Variants in KCNK16 observed in about 807,000 individuals in gnomAD.
The protein encoded by KCNK16 is potassium two pore domain channel subfamily K member 16.
Under a neutral mutation model 23.0 loss-of-function variants are expected in KCNK16, and 23 were observed. That is an observed-to-expected ratio of 1.00 (90% CI 0.72 to 1.41). The LOEUF (loss-of-function observed/expected upper bound fraction) is 1.41. Ranked by LOEUF, KCNK16 falls within the 40% of genes most tolerant of loss-of-function variation. The pLI is 0.00. For synonymous variants in KCNK16, 145 were observed against 153.5 expected (o/e 0.94, Z 0.41); for missense variants, 327 against 365.8 (o/e 0.89, Z 0.87).
chr6:39,322,453 T>C lies in KCNK16; in HGVS notation c.88A>G (p.Thr30Ala). The change falls in exon 1 of 5, where the codon ACT becomes GCT. Residue 30 changes from threonine (T) to alanine (A), a missense_variant. By Grantham distance (58) the Thr-to-Ala change is moderately conservative. Coordinates refer to ENST00000437525, the MANE Select transcript of KCNK16 (RefSeq NM_001135106.2). ...AYVCYLLLGA[T>A]IFQLLERQAE... is the part of the protein sequence containing the mutation. ...TGCCTCTCTAGCAGCTGGAAGATAG[T>C]GGCACCGAGCAGCAGGTAGCAGACA... 1 of 1,614,092 alleles carries C rather than the reference T, an allele frequency of 6.2e-7. No individual in the cohort carries two copies.
At chr6:39,315,847 G>A (rs932372747), downstream of KCNK16, among the ~76,000 whole-genome samples, 1 of 152,138 alleles carries the variant, frequency 6.6e-6, no homozygotes, top group African/African-American at 2.4e-5. Flanking sequence ...TAGGGGCTTG[G>A]CAAATGCACT....
rs755557538 is a variant in KCNK16, at chr6:39,319,027, G to C, written c.320C>G (p.Thr107Ser). The C allele has an allele frequency of 1.2e-5, 19 of 1,612,098 alleles. No homozygotes were observed. The highest frequency in any genetic ancestry group is 1.5e-5 in the Non-Finnish European group (18 of 1,178,156). The change falls in exon 2 of 5, where the codon ACT becomes AGT. Residue 107 changes from threonine to serine, a missense_variant. Physicochemically the swap from Thr to Ser is moderately conservative, Grantham distance 58. Coordinates refer to ENST00000437525, the MANE Select transcript of KCNK16 (RefSeq NM_001135106.2). The surrounding 1 kb of genome is among the most constrained non-coding windows in gnomAD (Gnocchi z 4.2). ...CTACCCCAGCCCTTTACCTATGGTA[G>C]TGACGACTGTGCCTGCAAAGAAGAA... ...SSFFFAGTVVTTIGYGNLAPS... is the reference protein window; with the variant it reads ...SSFFFAGTVVSTIGYGNLAPS...
chr6:39,314,703 G>A, downstream of KCNK16: 1 of 448,272 alleles, frequency 2.2e-6, no homozygotes, highest in East Asian at 3.5e-5. Flanking sequence ...AGAGGTAGGA[G>A]ATAGTAGAGA....
rs1288433919 is a variant in KCNK16, at chr6:39,316,329, G to A, written c.775C>T (p.His259Tyr). 4 of 1,610,986 alleles carry A rather than the reference G, an allele frequency of 2.5e-6. No individual in the cohort carries two copies. The African/African-American group carries it at 5.3e-5, about 22-fold the overall frequency. ...LILPLGPLLL[H>Y]RCCQLWLLSR... ...AGCAGCCAGAGCTGGCAGCATCTGT[G>A]CAGAAGCAGGGGGCCCAGTGGGAGG... The change falls in exon 5 of 5, where the codon CAC (histidine) becomes TAC (tyrosine). Residue 259 changes from histidine to tyrosine, a missense_variant. His to Tyr is a moderately conservative substitution (Grantham distance 83). Coordinates refer to ENST00000437525, the MANE Select transcript of KCNK16 (RefSeq NM_001135106.2).
chr6:39,316,497 CA>C (rs1310104049), intron 4 of KCNK16, 55 bp from the exon 5 acceptor site: 2 of 1,531,276 alleles, frequency 1.3e-6, no homozygotes, highest in African/African-American at 2.8e-5. Context: ...TAGCCACCTC[CA>C]GTTTCCATAG....
chr6:39,315,550 G>T, downstream of KCNK16: 1 of 858,470 alleles, frequency 1.2e-6, no homozygotes, highest in Non-Finnish European at 1.8e-6. Flanking sequence ...GCTTTGAGAG[G>T]CAGCTCGCCT....
chr6:39,316,090 G>C, downstream of KCNK16: 1 of 1,330,982 alleles, frequency 7.5e-7, no homozygotes, highest in Non-Finnish European at 9.9e-7. Context: ...TCTTGGGAGA[G>C]CTCCTGAGAC....
downstream of KCNK16, chr6:39,315,381 G>T (rs767377908): frequency 3.9e-6 from 6 of 1,551,518 alleles, no homozygotes; most frequent in Non-Finnish European, 5.2e-6. Flanking sequence ...GTTTGGAAAG[G>T]CTCTTGAGAA....
rs925961549 is a variant in KCNK16, at chr6:39,321,183, C to T, written c.213+1145G>A. ...TCGGCAGGTGCGGAGTGGGGCTTGA[C>T]ATCTCCAGTTCTAACAGGCTCCCAG... is the stretch of plus-strand genomic sequence containing the variant. On this transcript the variant is annotated intron_variant, in intron 1 of 4. Coordinates refer to ENST00000437525, the MANE Select transcript of KCNK16 (RefSeq NM_001135106.2). Among the ~76,000 whole-genome samples, 4 of 152,320 alleles carry T rather than the reference C, an allele frequency of 2.6e-5. No individual in the cohort carries two copies. The South Asian group carries it at 8.3e-4, about 32-fold the overall frequency.
chr6:39,322,636 T>G lies in KCNK16; in HGVS notation c.-96A>C. On this transcript the variant is annotated 5_prime_UTR_variant, in exon 1 of 5. Transcript: ENST00000437525. ...AGCACCTAGGGGCCTGTGCCCAGGCTGCCGCCTGCCCTGCCCTCCTCCTCG... is the reference window on the plus strand; with the variant it reads ...AGCACCTAGGGGCCTGTGCCCAGGCGGCCGCCTGCCCTGCCCTCCTCCTCG... 6.8e-7 allele frequency: 1 copy of G among 1,469,746 alleles called. No individual in the cohort carries two copies. The highest frequency in any genetic ancestry group is 2.5e-4 in the Middle Eastern group (1 of 4,060). 91.0% of individuals were successfully genotyped at this position (1,469,746 alleles called of 1,614,324 possible). A position where few individuals can be genotyped will look rare whatever the true frequency, so the allele number is the denominator to read the frequency against.
intron 1 of KCNK16, among the ~76,000 whole-genome samples, chr6:39,320,549 G>A (rs1180036365): frequency 3.3e-5 from 5 of 152,222 alleles, no homozygotes; most frequent in Non-Finnish European, 7.3e-5. Flanking sequence ...CGCCCTGTGC[G>A]TCTGAGAGTT....
intron 3 of KCNK16, 108 bp from the exon 4 acceptor site, chr6:39,317,055 G>A: frequency 8.9e-7 from 1 of 1,128,818 alleles, no homozygotes; most frequent in South Asian, 1.5e-5. Context: ...CCATAGCTAG[G>A]ACCCTTTCCT....
At chr6:39,318,907 C>A (rs552199952) in intron 2 of KCNK16, 112 bp downstream of exon 2, 11 of 726,798 alleles carry the variant, frequency 1.5e-5, no homozygotes, top group Non-Finnish European at 7.3e-6. Context: ...CCTCCCTGGG[C>A]TTCCTGAATA....
Position 39,319,508 on chromosome 6 carries a change from C to A in KCNK16, c.214-375G>T, listed in dbSNP as rs1311351501. ...ATGGCACCCACATCAGCTGTTAGAA[C>A]AATGGGAGGATTTCAGGTTGGGTAT... On this transcript the variant is annotated intron_variant, in intron 1 of 4. Transcript: ENST00000437525. This position sits in a 1 kb window ranked among gnomAD's most constrained non-coding sequence, Gnocchi z 4.2. Among the ~76,000 whole-genome samples the A allele has an allele frequency of 6.6e-6, 1 of 152,100 alleles. No individual in the cohort carries two copies. The highest frequency in any genetic ancestry group is 1.5e-5 in the Non-Finnish European group (1 of 68,024).
At chr6:39,320,626 C>T (rs1370636352) in intron 1 of KCNK16, among the ~76,000 whole-genome samples, 1 of 152,222 alleles carries the variant, frequency 6.6e-6, no homozygotes, top group African/African-American at 2.4e-5. Flanking sequence ...TCAACTGCCC[C>T]TGGCAAGGAA....
In KCNK16 at chr6:39,317,970, C is replaced by T. The variant is rs563469818; in HGVS notation, c.329-18G>A. The T allele has an allele frequency of 1.1e-5, 17 of 1,586,138 alleles. No individual in the cohort carries two copies. The highest frequency in any genetic ancestry group is 1.8e-5 in the Admixed American group (1 of 57,004). Reference sequence around the variant, plus strand: ...CCCATATCCTGCAAGGGAAGGGGGGCGTGTGCAAATATGGAGACTCTAGAA... The same window carrying T: ...CCCATATCCTGCAAGGGAAGGGGGGTGTGTGCAAATATGGAGACTCTAGAA... On this transcript the variant is annotated intron_variant, in intron 2 of 4. Transcript: ENST00000437525.
downstream of KCNK16, chr6:39,315,104 C>G: frequency 6.2e-7 from 1 of 1,614,208 alleles, no homozygotes; most frequent in Non-Finnish European, 8.5e-7. Flanking sequence ...CTGGAGCCGC[C>G]TTGGCTCCAC....
rs760472823 is a variant in KCNK16 at position 39,316,288 on chromosome 6, G to A, written c.816C>T (p.Gly272=). 14 of 1,598,642 alleles carry A rather than the reference G, an allele frequency of 8.8e-6. No individual in the cohort carries two copies. The highest frequency in any genetic ancestry group is 2.3e-5 in the South Asian group (2 of 88,080). ...GGTCAGAGGCTGCCCCATCCTTGAC[G>A]CCGAGGCCCCTACTGAGCAGCCAGA... ...CQLWLLSRGL[G]VKDGAASDPS... is the part of the protein sequence containing the mutation. The change falls in exon 5 of 5, where the codon GGC becomes GGT. Residue 272 remains glycine, a synonymous_variant. Coordinates refer to ENST00000437525, the MANE Select transcript of KCNK16 (RefSeq NM_001135106.2).
chr6:39,316,260 TG>T lies in KCNK16; in HGVS notation c.843del (p.Ser282ValfsTer?). The T allele has an allele frequency of 1.3e-6, 2 of 1,575,556 alleles. No homozygotes were observed. Among genetic ancestry groups the T allele is most frequent in the South Asian group, 1.2e-5 (1 of 85,820 alleles). ...ATCTTCTGAGGCCTGGGGAGCCCAC[TG>T]GGGTCAGAGGCTGCCCCATCCTTGA... ...LGVKDGAASD[P>X]SGLPRPQKIP... On this transcript the variant is annotated frameshift_variant, in exon 5 of 5. Coordinates refer to ENST00000437525, the MANE Select transcript of KCNK16 (RefSeq NM_001135106.2). LOFTEE classifies it high-confidence loss of function.
Sources: allele counts gnomAD v4.1 joint callset (sites outside exome capture counted in the v4.1 genomes callset), GRCh38; gene constraint gnomAD v4.1.1; non-coding constraint Gnocchi (gnomAD v3.1); transcripts MANE v1.5; gene names NCBI Gene and HGNC (gene_info 2026-07-23, HGNC 2026-07-21).